The following SEMA6B variants were observed in gnomAD, a reference collection of about 807,000 sequenced individuals.
SEMA6B encodes the protein semaphorin-6B.
A neutral mutation model predicts 78.6 loss-of-function variants in SEMA6B; 47 were observed. The observed-to-expected ratio is 0.60, with a 90% CI of 0.47 to 0.76. The LOEUF (loss-of-function observed/expected upper bound fraction) is 0.76. Among genes scored for constraint, SEMA6B ranks in the 30% least tolerant of loss-of-function variants. SEMA6B has a pLI of 0.00. For synonymous variants in SEMA6B, 632 were observed against 592.2 expected (o/e 1.07, Z -0.98); for missense variants, 1,213 against 1,269.9 (o/e 0.96, Z 0.68).
In SEMA6B at chr19:4,548,082, G is replaced by A. The variant is rs761601882; in HGVS notation, c.1546C>T (p.Arg516Cys). The change falls in exon 14 of 17, where the codon CGC becomes TGC. Residue 516 changes from arginine (R) to cysteine (C), a missense_variant. Physicochemically the swap from Arg to Cys is radical, Grantham distance 180. Coordinates refer to ENST00000586582, the MANE Select transcript of SEMA6B (RefSeq NM_032108.4). ...ASGGLLAAFPRCVVRVPVARC... is the reference protein window; with the variant it reads ...ASGGLLAAFPCCVVRVPVARC... The stretch of plus-strand genomic sequence containing the variant: ...GCCACAGGCACTCGGACCACGCAGC[G>A]GGGGAAGGCAGCCAGCAGGCCCCCC... 9.4e-6 allele frequency: 15 copies of A among 1,591,738 alleles called. No individual in the cohort carries two copies. Among genetic ancestry groups the A allele is most frequent in the Admixed American group, 3.4e-5 (2 of 59,160 alleles).
chr19:4,546,963 T>TA (rs1172242939), intron 14 of SEMA6B, among the ~76,000 whole-genome samples: 1 of 144,624 alleles, frequency 6.9e-6, no homozygotes. Flanking sequence ...AAAATTTAAT[T>TA]TTTTTTTTCT....
At chr19:4,554,901 T>G (rs1977426948) in intron 8 of SEMA6B, 75 bp downstream of exon 8, 2 of 1,537,458 alleles carry the variant, frequency 1.3e-6, no homozygotes, top group Middle Eastern at 3.4e-4. Flanking sequence ...GGACTCTTAT[T>G]CTGGTGGGGA....
intron 12 of SEMA6B, among the ~76,000 whole-genome samples, chr19:4,549,557 C>A (rs1382234273): frequency 6.6e-6 from 1 of 152,184 alleles, no homozygotes; most frequent in African/African-American, 2.4e-5. Flanking sequence ...TGGCTCACTG[C>A]AAGCTCCGCC....
In SEMA6B at chr19:4,547,558, C is replaced by G. The variant is rs374629562; in HGVS notation, c.1601+469G>C. Among the ~76,000 whole-genome samples the G allele has an allele frequency of 1.1e-4, 16 of 152,300 alleles. No individual in the cohort carries two copies. In the East Asian group the frequency reaches 1.9e-3, roughly 18 times the overall value. On this transcript the variant is annotated intron_variant, in intron 14 of 16. Transcript: ENST00000586582. Reference sequence around the variant, plus strand: ...ACTGGCATGCATCCTAGCTTTCCTCCCATTTTAGAGACGGGGAAACAGCCT... The same window carrying G: ...ACTGGCATGCATCCTAGCTTTCCTCGCATTTTAGAGACGGGGAAACAGCCT...
Position 4,542,943 on chromosome 19 carries a change from C to T in SEMA6B, c.*658G>A, listed in dbSNP as rs1227837808. 5.7e-6 allele frequency: 4 copies of T among 700,738 alleles called. No individual in the cohort carries two copies. The highest frequency in any genetic ancestry group is 2.7e-5 in the East Asian group (1 of 37,248). The allele number at this position is 700,738 out of a possible 1,614,324, so 43.4% of individuals were successfully genotyped here. A position where few individuals can be genotyped will look rare whatever the true frequency, so the allele number is the denominator to read the frequency against. ...ACTCCTAACCGGCACCTCGGAGACC[C>T]CCGGGCCTTCTGGAAGCCCCAGCGT... On this transcript the variant is annotated 3_prime_UTR_variant, in exon 17 of 17. Transcript: ENST00000586582.
In SEMA6B at chr19:4,543,081, G is replaced by GCA; in HGVS notation, c.*518_*519dup. ...CGCCCACAGCAGCCTTCGCTGGCACGCACACACACGCCCACCTCCCCGGCC... is the reference window on the plus strand; with the variant it reads ...CGCCCACAGCAGCCTTCGCTGGCACGCACACACACACGCCCACCTCCCCGGCC... On this transcript the variant is annotated 3_prime_UTR_variant, in exon 17 of 17. Transcript: ENST00000586582. 1 of 637,680 alleles carries GCA rather than the reference G, an allele frequency of 1.6e-6. No individual in the cohort carries two copies. Among genetic ancestry groups the GCA allele is most frequent in the Non-Finnish European group, 2.8e-6 (1 of 351,200 alleles). The allele number at this position is 637,680 out of a possible 1,614,324, so 39.5% of individuals were successfully genotyped here. A position where few individuals can be genotyped will look rare whatever the true frequency, so the allele number is the denominator to read the frequency against.
Position 4,555,459 on chromosome 19 carries a change from TGG to T in SEMA6B, c.562+13_562+14del. The T allele has an allele frequency of 6.2e-7, 1 of 1,604,456 alleles. No individual in the cohort carries two copies. Among genetic ancestry groups the T allele is most frequent in the African/African-American group, 1.3e-5 (1 of 74,600 alleles). On this transcript the variant is annotated intron_variant, in intron 7 of 16. Coordinates refer to ENST00000586582, the MANE Select transcript of SEMA6B (RefSeq NM_032108.4). This position sits in a 1 kb window ranked among gnomAD's most constrained non-coding sequence, Gnocchi z 6.1. ...TGGCTGGGGCTGATCAGATGGAGGT[TGG>T]GGGGGTACTTACCAGAGAAGAGGGC...
At position 4,549,509 on chromosome 19, in the gene SEMA6B, C is replaced by T. The variant is rs189256445; in HGVS notation, c.1271+614G>A. ...TTATTTTATTTTTGAGACGGAGTTT[C>T]GCTCTTTCGCCCAGGCGGGACTGCA... is the stretch of plus-strand genomic sequence containing the variant. On this transcript the variant is annotated intron_variant, in intron 12 of 16. Transcript: ENST00000586582. Among the ~76,000 whole-genome samples, 1,128 of 147,956 alleles carry T rather than the reference C, an allele frequency of 7.6e-3. 8 individuals carry two copies. The highest frequency in any genetic ancestry group is 0.028 in the African/African-American group (1,092 of 39,530).
At position 4,543,782 on chromosome 19, in the gene SEMA6B, A is replaced by C; in HGVS notation, c.2486T>G (p.Leu829Arg). The change falls in exon 17 of 17, where the codon CTG (leucine) becomes CGG (arginine). Residue 829 changes from leucine (L) to arginine (R), a missense_variant. Leu to Arg is a moderately radical substitution (Grantham distance 102, BLOSUM62 -2). Coordinates refer to ENST00000586582, the MANE Select transcript of SEMA6B (RefSeq NM_032108.4). Reference protein sequence around the residue: ...RPWSPPPTGSLRRPLGPHAPP... With the variant: ...RPWSPPPTGSRRRPLGPHAPP... ...GGCGTGGGGGCCCAGTGGCCTCCTCAGGCTGCCCGTCGGGGGCGGGCTCCA... is the reference window on the plus strand; with the variant it reads ...GGCGTGGGGGCCCAGTGGCCTCCTCCGGCTGCCCGTCGGGGGCGGGCTCCA... 2 of 1,220,802 alleles carry C rather than the reference A, an allele frequency of 1.6e-6. No individual in the cohort carries two copies. Among genetic ancestry groups the C allele is most frequent in the Non-Finnish European group, 2.0e-6 (2 of 981,592 alleles). The allele number at this position is 1,220,802 out of a possible 1,614,324, so 75.6% of individuals were successfully genotyped here.
Position 4,558,272 on chromosome 19 carries a change from C to A in SEMA6B, c.121+65G>T, listed in dbSNP as rs1476072090. 6 of 1,306,550 alleles carry A rather than the reference C, an allele frequency of 4.6e-6. No individual in the cohort carries two copies. Among genetic ancestry groups the A allele is most frequent in the Non-Finnish European group, 5.9e-6 (6 of 1,017,574 alleles). 80.9% of individuals were successfully genotyped at this position (1,306,550 alleles called of 1,614,324 possible). On this transcript the variant is annotated intron_variant, in intron 2 of 16. Transcript: ENST00000586582. This position sits in a 1 kb window ranked among gnomAD's most constrained non-coding sequence, Gnocchi z 5.1. ...TGAGTCCCCCAGTGGGGGCAGCAGA[C>A]CCAACTGGGAACCCAGATACTCCCA...
chr19:4,543,998 C>G lies in SEMA6B; in HGVS notation c.2270G>C (p.Arg757Pro), dbSNP rs1599771705. ...SSSLLLLAPA[R>P]APEQPPAPGE... ...AGGCGCGGGGGGCTGCTCGGGGGCC[C>G]GGGCGGGCGCCAGCAGCAGGAGGGA... is the stretch of plus-strand genomic sequence containing the variant. The change falls in exon 17 of 17, where the codon CGG becomes CCG. Residue 757 changes from arginine to proline, a missense_variant. Transcript: ENST00000586582. The G allele has an allele frequency of 7.5e-6, 9 of 1,206,898 alleles. No individual in the cohort carries two copies. The highest frequency in any genetic ancestry group is 9.3e-6 in the Non-Finnish European group (9 of 972,736). 74.8% of individuals were successfully genotyped at this position (1,206,898 alleles called of 1,614,324 possible).
Position 4,558,931 on chromosome 19 carries a change from C to T in SEMA6B, c.-32-442G>A, listed in dbSNP as rs1024981805. Among the ~76,000 whole-genome samples the T allele has an allele frequency of 6.6e-6, 1 of 151,466 alleles. No individual in the cohort carries two copies. Among genetic ancestry groups the T allele is most frequent in the Admixed American group, 6.6e-5 (1 of 15,214 alleles). On this transcript the variant is annotated intron_variant, in intron 1 of 16. Transcript: ENST00000586582. The surrounding 1 kb of genome is among the most constrained non-coding windows in gnomAD (Gnocchi z 5.1). ...CAAGCTGGCTGTGTGTGGTGGCTCACGCCTGTAATCCCAACATTTTGGGAG... is the reference window on the plus strand; with the variant it reads ...CAAGCTGGCTGTGTGTGGTGGCTCATGCCTGTAATCCCAACATTTTGGGAG...
At position 4,555,217 on chromosome 19, in the gene SEMA6B, C is replaced by A; in HGVS notation, c.563-122G>T. 9.0e-7 allele frequency: 1 copy of A among 1,107,552 alleles called. No individual in the cohort carries two copies. 68.6% of individuals were successfully genotyped at this position (1,107,552 alleles called of 1,614,324 possible). The stretch of plus-strand genomic sequence containing the variant: ...GCCTAGGGGAGCCCCTGTCTCCAGG[C>A]TGAGCCCTGATCCCATCCAAGCCCC... On this transcript the variant is annotated intron_variant, in intron 7 of 16. Transcript: ENST00000586582. This position sits in a 1 kb window ranked among gnomAD's most constrained non-coding sequence, Gnocchi z 6.1.
Position 4,548,317 on chromosome 19 carries a change from C to G in SEMA6B, c.1400G>C (p.Gly467Ala). The G allele has an allele frequency of 1.2e-6, 2 of 1,613,936 alleles. No individual in the cohort carries two copies. The highest frequency in any genetic ancestry group is 1.7e-6 in the Non-Finnish European group (2 of 1,180,008). Residue 467 changes from glycine (G) to alanine (A), a missense_variant, in exon 13 of 17, where the codon GGG becomes GCG. Physicochemically the swap from Gly to Ala is moderately conservative, Grantham distance 60. Coordinates refer to ENST00000586582, the MANE Select transcript of SEMA6B (RefSeq NM_032108.4). ...FLVRPNASTS[G>A]TSGLSVFLEE... The stretch of plus-strand genomic sequence containing the variant: ...CAGGAAGACACTGAGCCCAGACGTC[C>G]CTGAGGTGCTGGCATTGGGCCGGAC...
chr19:4,547,882 G>GC, intron 14 of SEMA6B, 145 bp downstream of exon 14: 4 of 1,026,430 alleles, frequency 3.9e-6, no homozygotes, highest in Non-Finnish European at 5.4e-6. Flanking sequence ...GAGTGGTCCT[G>GC]CCCGCGGGCC....
In SEMA6B at chr19:4,542,983, C is replaced by T. The variant is rs907991736; in HGVS notation, c.*618G>A. ...AGCCCCAGCGTCGGCTCAGCCAACG[C>T]CCAGGCCGCTGGGGCCACCACGATC... On this transcript the variant is annotated 3_prime_UTR_variant, in exon 17 of 17. Transcript: ENST00000586582. 4.0e-5 allele frequency: 28 copies of T among 698,770 alleles called. No homozygotes were observed. The highest frequency in any genetic ancestry group is 6.3e-5 in the Non-Finnish European group (24 of 383,412). 43.3% of individuals were successfully genotyped at this position (698,770 alleles called of 1,614,324 possible).
chr19:4,551,003 CTCTG>C (rs1373241790), intron 10 of SEMA6B, 73 bp from the exon 11 acceptor site: 12 of 1,549,646 alleles, frequency 7.7e-6, no homozygotes, highest in Non-Finnish European at 1.1e-5. Context: ...GTGCAGGAGC[CTCTG>C]TCTGCAGGAG....
In SEMA6B at chr19:4,550,748, G is replaced by A. The variant is rs562696393; in HGVS notation, c.1121+51C>T. 2.5e-6 allele frequency: 4 copies of A among 1,602,080 alleles called. No individual in the cohort carries two copies. Among genetic ancestry groups the A allele is most frequent in the East Asian group, 4.5e-5 (2 of 44,684 alleles). On this transcript the variant is annotated intron_variant, in intron 11 of 16. Coordinates refer to ENST00000586582, the MANE Select transcript of SEMA6B (RefSeq NM_032108.4). The surrounding 1 kb of genome is among the most constrained non-coding windows in gnomAD (Gnocchi z 6.6). ...CCGGAAGCCCCAGCCCTCGGCCCTG[G>A]GGATCAGGACCTCATCCGGGCATGT...
Position 4,555,385 on chromosome 19 carries a change from C to T in SEMA6B, c.562+89G>A, listed in dbSNP as rs1977439851. ...GCTGGGACAAGTGGTCGTCCAGCTGCCTTCTAAACAACCCAGACGCTGGAG... is the reference window on the plus strand; with the variant it reads ...GCTGGGACAAGTGGTCGTCCAGCTGTCTTCTAAACAACCCAGACGCTGGAG... On this transcript the variant is annotated intron_variant, in intron 7 of 16. Transcript: ENST00000586582. The surrounding 1 kb of genome is among the most constrained non-coding windows in gnomAD (Gnocchi z 6.1). 7 of 1,183,222 alleles carry T rather than the reference C, an allele frequency of 5.9e-6. No homozygotes were observed. The highest frequency in any genetic ancestry group is 8.5e-6 in the Non-Finnish European group (7 of 826,834). 73.3% of individuals were successfully genotyped at this position (1,183,222 alleles called of 1,614,324 possible).
Sources: allele counts gnomAD v4.1 joint callset (sites outside exome capture counted in the v4.1 genomes callset), GRCh38; gene constraint gnomAD v4.1.1; non-coding constraint Gnocchi (gnomAD v3.1); transcripts MANE v1.5; gene names NCBI Gene and HGNC (gene_info 2026-07-23, HGNC 2026-07-21).